PRORP: variants seen among roughly 807,000 people sequenced by gnomAD.
PRORP encodes mitochondrial ribonuclease P catalytic subunit.
A neutral mutation model predicts 59.4 loss-of-function variants in PRORP; 51 were observed. That is an observed-to-expected ratio of 0.86 (90% CI 0.69 to 1.08). The LOEUF (loss-of-function observed/expected upper bound fraction) is 1.08, where lower values mean the gene tolerates loss of function less well. Ranked by LOEUF, PRORP falls within the 50% of genes least tolerant of loss-of-function variation. The probability of loss-of-function intolerance (pLI) is 0.00; values close to 1 mark genes in which losing one functional copy is unlikely to be tolerated. For missense variants in PRORP, 646 were observed against 690.3 expected, an observed-to-expected ratio of 0.94 and a Z score of 0.72; for synonymous variants, 231 against 245.6, an observed-to-expected ratio of 0.94 and a Z score of 0.55.
chr14:35,234,450 T>C (rs2050154799), intron 5 of PRORP, among the ~76,000 whole-genome samples: 1 of 152,218 alleles, frequency 6.6e-6, no homozygotes, highest in Non-Finnish European at 1.5e-5. Context: ...TTTCTGTCCA[T>C]GTTCAGCCTC....
At chr14:35,254,923 G>A (rs1164796077) in intron 5 of PRORP, among the ~76,000 whole-genome samples, 1 of 151,988 alleles carries the variant, frequency 6.6e-6, no homozygotes, top group Non-Finnish European at 1.5e-5. Context: ...TGCTGCTCCT[G>A]TTCTTGGAAA....
intron 4 of PRORP, among the ~76,000 whole-genome samples, chr14:35,132,820 GAAAGC>G (rs1188219246): frequency 2.6e-5 from 4 of 151,346 alleles, no homozygotes; most frequent in Admixed American, 1.3e-4. Flanking sequence ...GAAAGGAAAG[GAAAGC>G]AAAGCAAAGG....
intron 5 of PRORP, among the ~76,000 whole-genome samples, chr14:35,224,342 A>G (rs1406418011): frequency 1.3e-5 from 2 of 152,192 alleles, no homozygotes; most frequent in Non-Finnish European, 2.9e-5. Flanking sequence ...GCAAATATTC[A>G]TTTAGAACTT....
chr14:35,206,257 C>G (rs1170509003), intron 5 of PRORP, among the ~76,000 whole-genome samples: 2 of 152,146 alleles, frequency 1.3e-5, no homozygotes, highest in African/African-American at 4.8e-5. Flanking sequence ...TTTCATATCC[C>G]TGAATCCTTG....
intron 4 of PRORP, among the ~76,000 whole-genome samples, chr14:35,174,371 A>AT (rs1218471049): frequency 6.6e-6 from 1 of 151,234 alleles, no homozygotes; most frequent in Non-Finnish European, 1.5e-5. Flanking sequence ...TCCCTCCCCT[A>AT]TTTTTTTCTC....
chr14:35,252,455 A>G (rs967267570), intron 5 of PRORP, among the ~76,000 whole-genome samples: 7 of 152,136 alleles, frequency 4.6e-5, no homozygotes, highest in Non-Finnish European at 4.4e-5. Context: ...ACAAAAAAAC[A>G]AATTAAAAAG....
chr14:35,172,296 G>A (rs917775067), intron 4 of PRORP, among the ~76,000 whole-genome samples: 29 of 151,918 alleles, frequency 1.9e-4, no homozygotes, highest in African/African-American at 6.8e-4. Context: ...TGAGGCACCT[G>A]CCTCAGGCTC....
chr14:35,146,310 C>A (rs1283004227), intron 4 of PRORP, among the ~76,000 whole-genome samples: 1 of 152,174 alleles, frequency 6.6e-6, no homozygotes, highest in Admixed American at 6.5e-5. Context: ...TAAAGCAAAT[C>A]ATTTGTCCTG....
chr14:35,253,766 A>G (rs1396757884), intron 5 of PRORP, among the ~76,000 whole-genome samples: 8 of 151,936 alleles, frequency 5.3e-5, no homozygotes, highest in Non-Finnish European at 1.2e-4. Context: ...AATGCTCCTT[A>G]TAGTCTCTTT....
intron 4 of PRORP, among the ~76,000 whole-genome samples, chr14:35,144,971 C>A (rs992966838): frequency 1.4e-5 from 2 of 145,174 alleles, no homozygotes; most frequent in Admixed American, 1.4e-4. Context: ...TTCTTATGTT[C>A]TTTTTTAGTT....
intron 5 of PRORP, among the ~76,000 whole-genome samples, chr14:35,238,769 A>C (rs2050285140): frequency 6.6e-6 from 1 of 152,214 alleles, no homozygotes; most frequent in Admixed American, 6.5e-5. Flanking sequence ...AAGGGCCAGA[A>C]ACCAAATACT....
At chr14:35,162,624 T>G (rs1008254730) in intron 4 of PRORP, among the ~76,000 whole-genome samples, 32 of 148,078 alleles carry the variant, frequency 2.2e-4, no homozygotes, top group African/African-American at 8.0e-4. Context: ...ATTTTTTTTC[T>G]CTATGTATAC....
At chr14:35,230,534 A>T (rs2050050782) in intron 5 of PRORP, among the ~76,000 whole-genome samples, 1 of 152,110 alleles carries the variant, frequency 6.6e-6, no homozygotes, top group Non-Finnish European at 1.5e-5. Context: ...TGACTGTGGG[A>T]TTCATTTAGT....
At chr14:35,131,674 A>G (rs1191298913) in intron 4 of PRORP, among the ~76,000 whole-genome samples, 2 of 151,416 alleles carry the variant, frequency 1.3e-5, no homozygotes, top group Non-Finnish European at 2.9e-5. Context: ...GATTACAGGC[A>G]TCTGCCACCA....
At chr14:35,226,935 A>G (rs1409713196) in intron 5 of PRORP, among the ~76,000 whole-genome samples, 1 of 151,112 alleles carries the variant, frequency 6.6e-6, no homozygotes, top group Non-Finnish European at 1.5e-5. Flanking sequence ...GGGTTTCACC[A>G]TGTTCCCCAT....
At chr14:35,164,661 C>T (rs2048140035) in intron 4 of PRORP, among the ~76,000 whole-genome samples, 1 of 152,144 alleles carries the variant, frequency 6.6e-6, no homozygotes, top group Admixed American at 6.5e-5. Flanking sequence ...GGTTGAAAAG[C>T]TACCTACTGG....
At chr14:35,155,310 T>A (rs1402761391) in intron 4 of PRORP, among the ~76,000 whole-genome samples, 2 of 152,180 alleles carry the variant, frequency 1.3e-5, no homozygotes, top group Non-Finnish European at 2.9e-5. Flanking sequence ...GAGTTATATA[T>A]GAAACAAGAT....
chr14:35,262,677 T>C, intron 5 of PRORP: 1 of 786,882 alleles, frequency 1.3e-6, no homozygotes, highest in Admixed American at 1.7e-5. Flanking sequence ...TCAGACTATT[T>C]GTAGTCATGT....
At chr14:35,203,613 C>T (rs1167449549) in intron 5 of PRORP, among the ~76,000 whole-genome samples, 1 of 152,008 alleles carries the variant, frequency 6.6e-6, no homozygotes, top group Non-Finnish European at 1.5e-5. Flanking sequence ...GCCTGTAATC[C>T]CAGCACTTTG....
Sources: gnomAD v4.1 joint callset for allele counts (sites outside exome capture counted in the v4.1 genomes callset) on GRCh38, gnomAD v4.1.1 for gene constraint, MANE v1.5 for transcripts, NCBI Gene and HGNC (gene_info 2026-07-23, HGNC 2026-07-21) for gene names.